The following RALYL variants were observed in gnomAD, a reference collection of about 807,000 sequenced individuals.
RALYL encodes the protein RNA-binding Raly-like protein.
In RALYL, 29 loss-of-function variants were observed where a neutral mutation model predicts 35.1. That is an observed-to-expected ratio of 0.83 (90% confidence interval 0.61 to 1.13). The LOEUF (loss-of-function observed/expected upper bound fraction) is 1.13. Among genes scored for constraint, RALYL ranks in the 50% most tolerant of loss-of-function variants. The pLI is 0.00. For missense variants in RALYL, 359 were observed against 360.4 expected (o/e 1.00, Z 0.03); for synonymous variants, 120 against 127.6 (o/e 0.94, Z 0.40).
At chr8:84,321,635 A>G (rs1844828175) in intron 1 of RALYL, among the ~76,000 whole-genome samples, 2 of 152,012 alleles carry the variant, frequency 1.3e-5, no homozygotes, top group Non-Finnish European at 2.9e-5. Flanking sequence ...TTTCTTTGTC[A>G]CCTAAGCTGG....
At chr8:84,737,174 C>T (rs1008417642) in intron 2 of RALYL, among the ~76,000 whole-genome samples, 2 of 152,010 alleles carry the variant, frequency 1.3e-5, no homozygotes, top group Non-Finnish European at 2.9e-5. Flanking sequence ...TCTAAATCAC[C>T]ACACTTTTAT....
At chr8:84,710,377 A>G (rs1841972823) in intron 2 of RALYL, among the ~76,000 whole-genome samples, 1 of 152,088 alleles carries the variant, frequency 6.6e-6, no homozygotes, top group Non-Finnish European at 1.5e-5. Context: ...AGCTCACTGC[A>G]CTGCAAACTC....
intron 1 of RALYL, among the ~76,000 whole-genome samples, chr8:84,342,671 G>A (rs1849083163): frequency 6.6e-6 from 1 of 151,848 alleles, no homozygotes; most frequent in African/African-American, 2.4e-5. Context: ...AGCTAGCCAA[G>A]GTAATGCAGA....
chr8:84,578,859 T>G (rs148432312), intron 2 of RALYL, among the ~76,000 whole-genome samples: 200 of 152,224 alleles, frequency 1.3e-3, no homozygotes, highest in Middle Eastern at 3.4e-3. Flanking sequence ...AGGGAGGAAG[T>G]GCATGCTGAT....
chr8:84,749,808 A>T (rs928905171), intron 2 of RALYL, among the ~76,000 whole-genome samples: 1 of 152,190 alleles, frequency 6.6e-6, no homozygotes, highest in Non-Finnish European at 1.5e-5. Flanking sequence ...ATTTATTGTG[A>T]GCTGAATTCA....
chr8:84,207,559 T>C (rs1818341417), intron 1 of RALYL, among the ~76,000 whole-genome samples: 1 of 151,870 alleles, frequency 6.6e-6, no homozygotes, highest in East Asian at 1.9e-4. Flanking sequence ...TGCTTGGGAA[T>C]GGGAATGGAC....
intron 2 of RALYL, among the ~76,000 whole-genome samples, chr8:84,555,098 G>A (rs3102160): frequency 0.067 from 10,129 of 152,140 alleles, 404 homozygotes; most frequent in African/African-American, 0.1. Context: ...GACCAACATG[G>A]TGAAACCCCA....
intron 2 of RALYL, among the ~76,000 whole-genome samples, chr8:84,697,888 A>G (rs1839447568): frequency 6.6e-6 from 1 of 152,030 alleles, no homozygotes; most frequent in Admixed American, 6.6e-5. Flanking sequence ...TGCATTCTCT[A>G]TTGAAATCTC....
At chr8:84,454,049 T>C (rs1389373348) in intron 1 of RALYL, among the ~76,000 whole-genome samples, 1 of 152,042 alleles carries the variant, frequency 6.6e-6, no homozygotes, top group Non-Finnish European at 1.5e-5. Flanking sequence ...ACTTCCAGAA[T>C]TCCAATGTCA....
intron 1 of RALYL, among the ~76,000 whole-genome samples, chr8:84,500,536 T>C (rs1325649176): frequency 1.3e-5 from 2 of 152,146 alleles, no homozygotes; most frequent in South Asian, 4.1e-4. Flanking sequence ...AGAATCTAGG[T>C]TTTCCTGTTT....
rs75695451 is a variant in RALYL at position 84,463,146 on chromosome 8, A to G, written c.-23-66153A>G. Among the ~76,000 whole-genome samples the G allele has an allele frequency of 5.1e-3, 782 of 152,020 alleles. 8 individuals are homozygous for G. Among genetic ancestry groups the G allele is most frequent in the African/African-American group, 0.017 (715 of 41,514 alleles). On this transcript the variant is annotated intron_variant, in intron 1 of 8. Transcript: ENST00000521268. ...TTAGCAGTTTTCTGTTCTTCCAAAC[A>G]TTCCTAATGTGACATTGATATACTT... is the stretch of plus-strand genomic sequence containing the variant.
At chr8:84,728,767 C>T (rs1240183699) in intron 2 of RALYL, among the ~76,000 whole-genome samples, 1 of 152,030 alleles carries the variant, frequency 6.6e-6, no homozygotes, top group East Asian at 1.9e-4. Flanking sequence ...TCAGGTTTGT[C>T]AAAGATAAGA....
chr8:84,210,302 C>A (rs1031762049), intron 1 of RALYL, among the ~76,000 whole-genome samples: 4 of 151,800 alleles, frequency 2.6e-5, no homozygotes, highest in Non-Finnish European at 5.9e-5. Context: ...GTATTGACAG[C>A]TGATAAATCT....
At chr8:84,306,374 T>C (rs1841810803) in intron 1 of RALYL, among the ~76,000 whole-genome samples, 1 of 152,138 alleles carries the variant, frequency 6.6e-6, no homozygotes, top group South Asian at 2.1e-4. Context: ...GCTAACTATA[T>C]AGATTCTGGA....
At chr8:84,183,086 T>A (rs1285052131), upstream of RALYL, 3 of 157,460 alleles carry the variant, frequency 1.9e-5, no homozygotes, top group African/African-American at 7.2e-5. Flanking sequence ...ACACTCCCAA[T>A]GCGAGGCGGC....
intron 1 of RALYL, among the ~76,000 whole-genome samples, chr8:84,474,869 CCCCCACCCCCAG>C (rs2053210519): frequency 8.0e-6 from 1 of 125,324 alleles, no homozygotes; most frequent in South Asian, 2.6e-4. Context: ...CAATTCCCCA[CCCCCACCCCCAG>C]CCCCACCCCA....
chr8:84,758,532 G>A (rs143372785), intron 2 of RALYL, among the ~76,000 whole-genome samples: 162 of 152,304 alleles, frequency 1.1e-3, no homozygotes, highest in African/African-American at 3.4e-3. Flanking sequence ...CTACAGTCAT[G>A]TAAAGGTTTA....
chr8:84,354,545 G>A (rs933837886), intron 1 of RALYL, among the ~76,000 whole-genome samples: 3 of 150,346 alleles, frequency 2.0e-5, no homozygotes, highest in Non-Finnish European at 4.4e-5. Context: ...GAAAATTCTA[G>A]CTGTAGCTTC....
intron 3 of RALYL, among the ~76,000 whole-genome samples, chr8:84,786,934 T>G (rs1470446062): frequency 6.6e-6 from 1 of 152,192 alleles, no homozygotes; most frequent in African/African-American, 2.4e-5. Context: ...ATAAAATATA[T>G]GCAGAGAAAA....
Sources: gnomAD v4.1 joint callset for allele counts (sites outside exome capture counted in the v4.1 genomes callset) on GRCh38, gnomAD v4.1.1 for gene constraint, MANE v1.5 for transcripts, NCBI Gene and HGNC (gene_info 2026-07-23, HGNC 2026-07-21) for gene names.